SORCS1: variants seen among roughly 807,000 people sequenced by gnomAD.
SORCS1 encodes VPS10 domain-containing receptor SorCS1.
SORCS1 carries 60 observed loss-of-function variants against 146.1 expected under a neutral mutation model. The ratio of observed to expected loss-of-function variants is 0.41; its 90% confidence interval spans 0.33 to 0.51. The LOEUF is 0.51. Ranked by LOEUF, SORCS1 falls within the 20% of genes least tolerant of loss-of-function variation. The pLI, the probability that SORCS1 is intolerant of heterozygous loss-of-function variation, is 0.21. For synonymous variants in SORCS1, 637 were observed against 584.0 expected (o/e 1.09, Z -1.31); for missense variants, 1,352 against 1,487.6 (o/e 0.91, Z 1.50).
At position 106,730,088 on chromosome 10, in the gene SORCS1, G is replaced by T; in HGVS notation, c.986C>A (p.Pro329Gln). 1 of 1,614,026 alleles carries T rather than the reference G, an allele frequency of 6.2e-7. No homozygotes were observed. Among genetic ancestry groups the T allele is most frequent in the South Asian group, 1.1e-5 (1 of 91,068 alleles). Residue 329 changes from proline to glutamine, a missense_variant, in exon 6 of 26, where the codon CCA becomes CAA. Around this residue, in one of 3 missense-constraint regions of SORCS1, gnomAD observed 490 missense variants for 489.1 expected, o/e 1.00. Coordinates refer to ENST00000263054, the MANE Select transcript of SORCS1 (RefSeq NM_052918.5). ...TCTGGCCTCAAGATGCACAAGGTCT[G>T]GTTCTTTATTTGACCCCATCACAGA... ...YWSVMGSNKE[P>Q]DLVHLEARTV...
At chr10:107,180,832 G>C in the SORCS1 span, among the ~76,000 whole-genome samples, 1 of 152,062 alleles carries the variant, frequency 6.6e-6, no homozygotes, top group Non-Finnish European at 1.5e-5. Context: ...CAAACATCTA[G>C]GCACAAGCCT....
At chr10:107,108,161 C>A (rs910828888) in intron 1 of SORCS1, among the ~76,000 whole-genome samples, 10 of 152,170 alleles carry the variant, frequency 6.6e-5, no homozygotes, top group African/African-American at 2.2e-4. Flanking sequence ...GGGAAACACA[C>A]TTATCTATGA....
chr10:106,954,700 G>A (rs1001978053), intron 2 of SORCS1, among the ~76,000 whole-genome samples: 3 of 152,060 alleles, frequency 2.0e-5, no homozygotes, highest in African/African-American at 4.8e-5. Context: ...GGGCTACCAT[G>A]GGTCTAAAAT....
intron 1 of SORCS1, among the ~76,000 whole-genome samples, chr10:107,002,806 TAAACAC>T (rs1957273029): frequency 6.6e-6 from 1 of 152,178 alleles, no homozygotes; most frequent in Non-Finnish European, 1.5e-5. Context: ...GGGTTATTTT[TAAACAC>T]AGATGTAAAA....
At chr10:107,078,573 C>T (rs1172016554) in intron 1 of SORCS1, among the ~76,000 whole-genome samples, 2 of 152,150 alleles carry the variant, frequency 1.3e-5, no homozygotes, top group Non-Finnish European at 2.9e-5. Context: ...CTCTTCCATT[C>T]AGTTGTGTTC....
chr10:106,803,623 C>T (rs1002606729), intron 3 of SORCS1, among the ~76,000 whole-genome samples: 4 of 152,066 alleles, frequency 2.6e-5, no homozygotes, highest in Admixed American at 1.3e-4. Flanking sequence ...CTTGTTATCT[C>T]AATGATACAT....
At position 106,577,183 on chromosome 10, in the gene SORCS1, T is replaced by C. The variant is rs1564736621; in HGVS notation, c.*237A>G. ...TGATTGTTTATATTTTATGTTTTGT[T>C]TTGTTTTTGTTTTTGTTTTTTTACT... On this transcript the variant is annotated 3_prime_UTR_variant, in exon 26 of 26. Transcript: ENST00000263054. The C allele has an allele frequency of 6.8e-7, 1 of 1,460,046 alleles. No individual in the cohort carries two copies. Among genetic ancestry groups the C allele is most frequent in the Non-Finnish European group, 9.2e-7 (1 of 1,087,454 alleles). The allele number at this position is 1,460,046 out of a possible 1,614,324, so 90.4% of individuals were successfully genotyped here.
At chr10:106,724,777 A>G (rs1262452257) in intron 6 of SORCS1, among the ~76,000 whole-genome samples, 1 of 152,226 alleles carries the variant, frequency 6.6e-6, no homozygotes, top group East Asian at 1.9e-4. Flanking sequence ...CCTGTGTCAA[A>G]TGTCTCAGTA....
At chr10:107,037,605 T>A (rs1958959323) in intron 1 of SORCS1, among the ~76,000 whole-genome samples, 1 of 152,212 alleles carries the variant, frequency 6.6e-6, no homozygotes, top group Admixed American at 6.5e-5. Flanking sequence ...TGGAGAAACT[T>A]GGTGCAATTT....
chr10:106,817,436 A>T lies in SORCS1; in HGVS notation c.726+12138T>A, dbSNP rs759799120. Among the ~76,000 whole-genome samples the T allele has an allele frequency of 1.4e-4, 22 of 152,086 alleles. No individual in the cohort carries two copies. The South Asian group carries it at 1.5e-3, about 10-fold the overall frequency. The stretch of plus-strand genomic sequence containing the variant: ...ACCAGGCCCCTCCTGCTTCCCCACA[A>T]ATGCTTGGCTGCTTCTTTTATTGCT... On this transcript the variant is annotated intron_variant, in intron 3 of 25. Transcript: ENST00000263054.
At chr10:106,896,564 A>T (rs977146170) in intron 2 of SORCS1, among the ~76,000 whole-genome samples, 2 of 152,062 alleles carry the variant, frequency 1.3e-5, no homozygotes, top group African/African-American at 4.8e-5. Context: ...GATCTGCTTC[A>T]AAACAATGTG....
At chr10:107,071,201 G>GAA (rs35061943) in intron 1 of SORCS1, among the ~76,000 whole-genome samples, 3 of 150,748 alleles carry the variant, frequency 2.0e-5, no homozygotes, top group South Asian at 2.1e-4. Flanking sequence ...CTTTACGGCA[G>GAA]AAAAAAAAAT....
At chr10:107,010,277 T>C (rs1353349977) in intron 1 of SORCS1, among the ~76,000 whole-genome samples, 2 of 152,172 alleles carry the variant, frequency 1.3e-5, no homozygotes, top group East Asian at 1.9e-4. Flanking sequence ...ATTTATAAAA[T>C]TGGTTCCCTG....
At chr10:106,585,632 C>G (rs1589666250) in intron 24 of SORCS1, among the ~76,000 whole-genome samples, 1 of 152,316 alleles carries the variant, frequency 6.6e-6, no homozygotes, top group South Asian at 2.1e-4. Flanking sequence ...GAGTTTGAAG[C>G]TTGTCTCACC....
chr10:106,662,228 A>C (rs1057432973), intron 17 of SORCS1, among the ~76,000 whole-genome samples: 4 of 152,218 alleles, frequency 2.6e-5, no homozygotes, highest in African/African-American at 9.6e-5. Flanking sequence ...CATCATGGAG[A>C]AGCAGGTAAA....
intron 2 of SORCS1, among the ~76,000 whole-genome samples, chr10:106,921,184 T>G (rs988963354): frequency 2.0e-5 from 3 of 152,130 alleles, no homozygotes; most frequent in African/African-American, 7.2e-5. Context: ...GAGATACAGG[T>G]AAAGCTCTCT....
chr10:106,791,829 T>G (rs960830201), intron 3 of SORCS1, among the ~76,000 whole-genome samples: 7 of 152,232 alleles, frequency 4.6e-5, no homozygotes, highest in Non-Finnish European at 5.9e-5. Context: ...CTTTTTATAT[T>G]GTTTTCTAAG....
At chr10:106,620,291 A>C in intron 20 of SORCS1, 137 bp downstream of exon 20, 1 of 1,088,306 alleles carries the variant, frequency 9.2e-7, no homozygotes. Context: ...ATACTTGAGC[A>C]CCAAGGGAGC....
At chr10:107,009,546 A>G (rs1180762401) in intron 1 of SORCS1, among the ~76,000 whole-genome samples, 1 of 152,230 alleles carries the variant, frequency 6.6e-6, no homozygotes, top group Non-Finnish European at 1.5e-5. Flanking sequence ...CACAGGACAC[A>G]ATGTTATTGA....
Sources: allele counts gnomAD v4.1 joint callset (sites outside exome capture counted in the v4.1 genomes callset), GRCh38; gene constraint gnomAD v4.1.1; regional missense constraint gnomAD v4.1.1; transcripts MANE v1.5; gene names NCBI Gene and HGNC (gene_info 2026-07-23, HGNC 2026-07-21).